ZBTB16: variants seen among roughly 807,000 people sequenced by gnomAD.
ZBTB16 encodes zinc finger and BTB domain-containing protein 16.
In ZBTB16, 8 loss-of-function variants were observed where a neutral mutation model predicts 56.8. That is an observed-to-expected ratio of 0.14 (90% CI 0.08 to 0.25). ZBTB16 has a LOEUF of 0.25. Ranked by LOEUF, ZBTB16 falls within the 10% of genes least tolerant of loss-of-function variation. The pLI is 1.00. For missense variants in ZBTB16, 625 were observed against 903.0 expected (o/e 0.69, Z 3.95); for synonymous variants, 363 against 368.5 (o/e 0.98, Z 0.17).
At chr11:114,135,618 G>A (rs1941778920) in intron 2 of ZBTB16, among the ~76,000 whole-genome samples, 1 of 152,100 alleles carries the variant, frequency 6.6e-6, no homozygotes, top group African/African-American at 2.4e-5. Context: ...AAGCCACAAA[G>A]CCCTGCCAGC....
intron 4 of ZBTB16, among the ~76,000 whole-genome samples, chr11:114,238,277 A>G (rs1393195719): frequency 6.6e-6 from 1 of 152,196 alleles, no homozygotes; most frequent in Non-Finnish European, 1.5e-5. Flanking sequence ...ACTGGCTTCA[A>G]ACACAGGTCA....
intron 2 of ZBTB16, among the ~76,000 whole-genome samples, chr11:114,095,890 G>A (rs74454950): frequency 0.062 from 9,433 of 152,064 alleles, 455 homozygotes; most frequent in East Asian, 0.28. Context: ...ACTTTTCAGG[G>A]TCCCCTAGCT....
At chr11:114,131,709 GACTTCCGGTAGC>G (rs1212192910) in intron 2 of ZBTB16, among the ~76,000 whole-genome samples, 1 of 152,128 alleles carries the variant, frequency 6.6e-6, no homozygotes, top group African/African-American at 2.4e-5. Flanking sequence ...AATGCTCAGA[GACTTCCGGTAGC>G]ACTTTCTAAT....
At chr11:114,125,749 T>C (rs1941490868) in intron 2 of ZBTB16, among the ~76,000 whole-genome samples, 1 of 152,102 alleles carries the variant, frequency 6.6e-6, no homozygotes, top group South Asian at 2.1e-4. Flanking sequence ...CCAGGTGCTG[T>C]TTGTTGCAGG....
chr11:114,201,876 AT>A (rs1943744630), intron 4 of ZBTB16, among the ~76,000 whole-genome samples: 1 of 152,230 alleles, frequency 6.6e-6, no homozygotes, highest in African/African-American at 2.4e-5. Context: ...CACTTACATA[AT>A]TTTAAAAATT....
chr11:114,148,863 GGTGTGTGTGTGTGTGTGTGTGTGTGT>G (rs35071911), intron 2 of ZBTB16, among the ~76,000 whole-genome samples: 1 of 143,954 alleles, frequency 6.9e-6, no homozygotes, highest in Non-Finnish European at 1.5e-5. Context: ...GTTTTTTACT[GGTGTGTGTGTGTGTGTGTGTGTGTGT>G]GTGTGTGTGT....
chr11:114,148,339 T>TG (rs1565651484), intron 2 of ZBTB16, among the ~76,000 whole-genome samples: 9 of 37,522 alleles, frequency 2.4e-4, no homozygotes, highest in Admixed American at 6.1e-4. Flanking sequence ...CTGGCTGGCT[T>TG]CCTTCCTTCC....
At chr11:114,106,772 C>G (rs1447937206) in intron 2 of ZBTB16, among the ~76,000 whole-genome samples, 1 of 152,184 alleles carries the variant, frequency 6.6e-6, no homozygotes. Context: ...CTGTGCCTGT[C>G]CCATCTTCTC....
chr11:114,246,327 C>T (rs190437212), intron 5 of ZBTB16, among the ~76,000 whole-genome samples: 1 of 152,316 alleles, frequency 6.6e-6, no homozygotes, highest in Non-Finnish European at 1.5e-5. Flanking sequence ...GAGCCAGACC[C>T]AAACCTGAAT....
chr11:114,061,213 G>C (rs1938843753), intron 1 of ZBTB16, among the ~76,000 whole-genome samples: 1 of 152,082 alleles, frequency 6.6e-6, no homozygotes, highest in African/African-American at 2.4e-5. Flanking sequence ...TCTTCCCCGC[G>C]CCGCCTGGCT....
At chr11:114,141,758 G>A (rs1941951780) in intron 2 of ZBTB16, among the ~76,000 whole-genome samples, 1 of 152,158 alleles carries the variant, frequency 6.6e-6, no homozygotes, top group Non-Finnish European at 1.5e-5. Flanking sequence ...CCACTTACAA[G>A]CTTAACGACC....
intron 6 of ZBTB16, among the ~76,000 whole-genome samples, chr11:114,249,747 G>A (rs1944883778): frequency 7.8e-6 from 1 of 127,628 alleles, no homozygotes; most frequent in Non-Finnish European, 1.6e-5. Flanking sequence ...AGTCTGGCCT[G>A]GGCGACACAG....
At position 114,091,456 on chromosome 11, in the gene ZBTB16, A is replaced by G. The variant is rs73563515; in HGVS notation, c.1268+26888A>G. On this transcript the variant is annotated intron_variant, in intron 2 of 6. Transcript: ENST00000335953. ...TCCTGGCCTGTGGATGTCCGTTTCT[A>G]TAAATGCTGGTGCTCGGTGGTCACC... is the stretch of plus-strand genomic sequence containing the variant. 9.8e-3 allele frequency among the ~76,000 whole-genome samples: 1,482 copies of G among 151,998 alleles called. 23 individuals carry two copies. Among genetic ancestry groups the G allele is most frequent in the African/African-American group, 0.033 (1,356 of 41,454 alleles).
intron 4 of ZBTB16, among the ~76,000 whole-genome samples, chr11:114,201,497 G>C (rs1052919390): frequency 1.3e-5 from 2 of 152,180 alleles, no homozygotes; most frequent in African/African-American, 4.8e-5. Flanking sequence ...GAAACCCTTG[G>C]CGTTTCATCC....
intron 2 of ZBTB16, among the ~76,000 whole-genome samples, chr11:114,089,689 G>A (rs1009018380): frequency 4.6e-5 from 7 of 152,184 alleles, no homozygotes; most frequent in African/African-American, 7.2e-5. Context: ...ACCTAGCTAC[G>A]GTCCTCATGT....
chr11:114,176,000 TGC>T (rs1491444717), intron 3 of ZBTB16, among the ~76,000 whole-genome samples: 22 of 144,418 alleles, frequency 1.5e-4, no homozygotes, highest in African/African-American at 5.5e-4. Flanking sequence ...TGTGTGTGTG[TGC>T]GTGCGTGTGT....
At position 114,144,575 on chromosome 11, in the gene ZBTB16, C is replaced by T. The variant is rs187077394; in HGVS notation, c.1269-11762C>T. 1.1e-4 allele frequency among the ~76,000 whole-genome samples: 17 copies of T among 152,280 alleles called. No individual in the cohort carries two copies. The East Asian group carries it at 3.3e-3, about 29-fold the overall frequency. On this transcript the variant is annotated intron_variant, in intron 2 of 6. Transcript: ENST00000335953. ...GGGGAGCCCTTAACAGAGCTTCTTG[C>T]CGCAGCCTGCTGTGGGACACCATGC...
intron 2 of ZBTB16, among the ~76,000 whole-genome samples, chr11:114,146,014 C>T (rs1320177896): frequency 6.6e-6 from 1 of 152,108 alleles, no homozygotes; most frequent in African/African-American, 2.4e-5. Flanking sequence ...TGGAAAATTG[C>T]GTTGATGGAC....
At position 114,098,041 on chromosome 11, in the gene ZBTB16, C is replaced by T. The variant is rs369084678; in HGVS notation, c.1268+33473C>T. On this transcript the variant is annotated intron_variant, in intron 2 of 6. Transcript: ENST00000335953. ...CATCTGTGACGGGCCTTGTCTCCTC[C>T]TGCAACTGGTGGCAGATGTAGCCAG... is the stretch of plus-strand genomic sequence containing the variant. Among the ~76,000 whole-genome samples, 191 of 152,306 alleles carry T rather than the reference C, an allele frequency of 1.3e-3. 7 individuals are homozygous for T. The South Asian group carries it at 0.036, about 29-fold the overall frequency.
Sources: allele counts gnomAD v4.1 joint callset (sites outside exome capture counted in the v4.1 genomes callset), GRCh38; gene constraint gnomAD v4.1.1; transcripts MANE v1.5; gene names NCBI Gene and HGNC (gene_info 2026-07-23, HGNC 2026-07-21).